Variants in OR3A2 observed in about 807,000 individuals in gnomAD.
OR3A2 encodes the protein olfactory receptor 3A2.
For synonymous variants in OR3A2, 126 were observed against 159.3 expected, an observed-to-expected ratio of 0.79 and a Z score of 1.57; for missense variants, 318 against 392.8, an observed-to-expected ratio of 0.81 and a Z score of 1.61.
At chr17:3,383,527 C>A (rs1254538084) in intron 2 of OR3A2, among the ~76,000 whole-genome samples, 5 of 152,108 alleles carry the variant, frequency 3.3e-5, no homozygotes, top group African/African-American at 1.2e-4. Context: ...GGATGAAAAT[C>A]CAGGTGGCTC....
chr17:3,296,636 A>C (rs193188553), intron 3 of OR3A2, among the ~76,000 whole-genome samples: 26 of 152,334 alleles, frequency 1.7e-4, no homozygotes, highest in Admixed American at 1.4e-3. Flanking sequence ...ATTAAAAAGT[A>C]CTTACAAAGT....
Position 3,312,543 on chromosome 17 carries a change from C to T in OR3A2, c.-85+23490G>A, listed in dbSNP as rs78649991. Among the ~76,000 whole-genome samples the T allele has an allele frequency of 1.7e-3, 261 of 152,354 alleles. 3 individuals are homozygous for T. In the East Asian group the frequency reaches 0.046, roughly 27 times the overall value. On this transcript the variant is annotated intron_variant, in intron 3 of 4. Transcript: ENST00000573491. ...ATGGCAGTGCATGAGCCTATTCTCACAACCTGCCCCCGCCCCCTGACCAGA... is the reference window on the plus strand; with the variant it reads ...ATGGCAGTGCATGAGCCTATTCTCATAACCTGCCCCCGCCCCCTGACCAGA...
chr17:3,331,991 G>C (rs940433745), intron 3 of OR3A2, among the ~76,000 whole-genome samples: 4 of 151,994 alleles, frequency 2.6e-5, no homozygotes, highest in African/African-American at 7.3e-5. Flanking sequence ...ATGTCAGTGT[G>C]CCCCTGCTGG....
chr17:3,284,907 T>TAGG (rs1380985047), upstream of OR3A2, among the ~76,000 whole-genome samples: 7 of 150,620 alleles, frequency 4.6e-5, no homozygotes, highest in African/African-American at 1.7e-4. Flanking sequence ...CCTGGGGAGG[T>TAGG]AGGAGGAGGC....
intron 3 of OR3A2, among the ~76,000 whole-genome samples, chr17:3,332,514 C>G (rs1458214438): frequency 6.6e-6 from 1 of 152,346 alleles, no homozygotes; most frequent in African/African-American, 2.4e-5. Context: ...AACTCCCTGA[C>G]CCCTTGCACT....
intron 3 of OR3A2, among the ~76,000 whole-genome samples, chr17:3,318,766 A>G (rs1351357826): frequency 7.2e-5 from 11 of 152,180 alleles, no homozygotes; most frequent in Admixed American, 7.2e-4. Context: ...TAAATGGGCC[A>G]CATGTATGTG....
chr17:3,326,305 C>G (rs1435571899), intron 3 of OR3A2, among the ~76,000 whole-genome samples: 1 of 151,992 alleles, frequency 6.6e-6, no homozygotes, highest in East Asian at 1.9e-4. Context: ...GGTTTATACC[C>G]AGTAATGGGA....
At chr17:3,370,705 T>C (rs1597362113) in intron 2 of OR3A2, among the ~76,000 whole-genome samples, 1 of 151,440 alleles carries the variant, frequency 6.6e-6, no homozygotes, top group African/African-American at 2.4e-5. Flanking sequence ...AGGACAATAG[T>C]GGAGGGAAGG....
At chr17:3,371,852 C>T (rs367791869) in intron 2 of OR3A2, among the ~76,000 whole-genome samples, 7,888 of 128,242 alleles carry the variant, frequency 0.062, 825 homozygotes, top group East Asian at 0.45. Flanking sequence ...CCCGCCCGGA[C>T]GGGGCGGCTG....
chr17:3,374,265 C>G (rs142001036), intron 2 of OR3A2, among the ~76,000 whole-genome samples: 2 of 152,298 alleles, frequency 1.3e-5, no homozygotes, highest in African/African-American at 4.8e-5. Context: ...AACCTGATGA[C>G]TATCTGCCCA....
At chr17:3,291,957 A>G (rs2048874691) in intron 3 of OR3A2, 2 of 1,614,224 alleles carry the variant, frequency 1.2e-6, no homozygotes. Flanking sequence ...GGTACCTGCC[A>G]TTATAAAACC....
intron 3 of OR3A2, among the ~76,000 whole-genome samples, chr17:3,304,739 C>T (rs1041557549): frequency 1.3e-5 from 2 of 152,126 alleles, no homozygotes; most frequent in Admixed American, 1.3e-4. Flanking sequence ...CAAAAGCCTG[C>T]GGTCCATATG....
At chr17:3,327,988 T>C (rs1453162937) in intron 3 of OR3A2, among the ~76,000 whole-genome samples, 4 of 141,098 alleles carry the variant, frequency 2.8e-5, no homozygotes, top group Non-Finnish European at 6.1e-5. Flanking sequence ...AGTCAGGTAG[T>C]GTGATGCCTC....
chr17:3,367,215 G>A (rs437595), intron 2 of OR3A2, among the ~76,000 whole-genome samples: 5,988 of 152,248 alleles, frequency 0.039, 187 homozygotes, highest in Middle Eastern at 0.088. Flanking sequence ...AGACTCAGTT[G>A]TTTTTATTTC....
chr17:3,291,725 G>C (rs762550696), intron 3 of OR3A2: 1 of 1,613,642 alleles, frequency 6.2e-7, no homozygotes, highest in African/African-American at 1.3e-5. Flanking sequence ...GGTTCAGCAT[G>C]GGATTGATGA....
chr17:3,343,040 C>G (rs988993653), intron 2 of OR3A2, among the ~76,000 whole-genome samples: 2 of 152,188 alleles, frequency 1.3e-5, no homozygotes, highest in Non-Finnish European at 2.9e-5. Flanking sequence ...AGCAAGGCTC[C>G]GTGGGCATGG....
intron 1 of OR3A2, chr17:3,279,109 C>G (rs2048762552): frequency 1.1e-6 from 1 of 879,696 alleles, no homozygotes; most frequent in South Asian, 1.8e-5. Flanking sequence ...ATGACACCAC[C>G]ACCTTGTCCT....
At chr17:3,376,559 G>C (rs961096074) in intron 2 of OR3A2, among the ~76,000 whole-genome samples, 2 of 152,132 alleles carry the variant, frequency 1.3e-5, no homozygotes, top group African/African-American at 4.8e-5. Context: ...CATATCACCA[G>C]GGAAGTGGGG....
chr17:3,311,805 A>T lies in OR3A2; in HGVS notation c.-85+24228T>A. The T allele has an allele frequency of 1.5e-5, 3 of 196,232 alleles. No individual in the cohort carries two copies. Among genetic ancestry groups the T allele is most frequent in the Non-Finnish European group, 3.2e-5 (3 of 93,148 alleles). The allele number at this position is 196,232 out of a possible 1,614,324, so 12.2% of individuals were successfully genotyped here. On this transcript the variant is annotated intron_variant, in intron 3 of 4. Coordinates refer to the OR3A2 transcript ENST00000573491. The surrounding 1 kb of genome is among the most constrained non-coding windows in gnomAD (Gnocchi z 4.6). ...TGGGCTCAGTCTCAGCCTCAGACAA[A>T]GATAAGGGGATTGGGATCCTCAACA...
Sources: gnomAD v4.1 joint callset for allele counts (sites outside exome capture counted in the v4.1 genomes callset) on GRCh38, gnomAD v4.1.1 for gene constraint, Gnocchi (gnomAD v3.1) non-coding constraint, MANE v1.5 for transcripts, NCBI Gene and HGNC (gene_info 2026-07-23, HGNC 2026-07-21) for gene names.